KIF11: variants seen among roughly 807,000 people sequenced by gnomAD.
KIF11 encodes kinesin-like protein KIF11.
In KIF11, 9 loss-of-function variants were observed where a neutral mutation model predicts 121.0. That is an observed-to-expected ratio of 0.07 (90% CI 0.04 to 0.13). KIF11 has a LOEUF of 0.13. Among genes scored for constraint, KIF11 ranks in the 10% least tolerant of loss-of-function variants. The pLI is 1.00. For missense variants in KIF11, 846 were observed against 1,217.5 expected, an observed-to-expected ratio of 0.69 and a Z score of 4.54; for synonymous variants, 408 against 421.0, an observed-to-expected ratio of 0.97 and a Z score of 0.38.
chr10:92,632,669 C>G lies in KIF11; in HGVS notation c.1678C>G (p.Leu560Val), dbSNP rs1419333918. 1.9e-6 allele frequency: 3 copies of G among 1,609,538 alleles called. No homozygotes were observed. The African/African-American group carries it at 4.0e-5, about 22-fold the overall frequency. Residue 560 changes from leucine to valine, a missense_variant, in exon 13 of 22, where the codon CTA (leucine) becomes GTA (valine). By Grantham distance (32) the Leu-to-Val change is conservative (BLOSUM62 1). Around this residue, in one of 5 missense-constraint regions of KIF11, gnomAD observed 492 missense variants for 603.4 expected, o/e 0.82. Coordinates refer to ENST00000260731, the MANE Select transcript of KIF11 (RefSeq NM_004523.4). ...KDGSSKQKAM[L>V]EVHKTLFGNL... ...TGGCAGCTCAAAGCAAAAGGCCATG[C>G]TAGAAGTACATAAGACCTTATTTGG...
At position 92,593,289 on chromosome 10, in the gene KIF11, C is replaced by A; in HGVS notation, c.-87C>A. 2 of 1,396,894 alleles carry A rather than the reference C, an allele frequency of 1.4e-6. No homozygotes were observed. Among genetic ancestry groups the A allele is most frequent in the African/African-American group, 1.4e-5 (1 of 70,148 alleles). The allele number at this position is 1,396,894 out of a possible 1,614,324, so 86.5% of individuals were successfully genotyped here. A position where few individuals can be genotyped will look rare whatever the true frequency, so the allele number is the denominator to read the frequency against. On this transcript the variant is annotated 5_prime_UTR_variant, in exon 1 of 22. Transcript: ENST00000260731. The stretch of plus-strand genomic sequence containing the variant: ...CAGCGCCCGAGAGGGACCAGGGAGA[C>A]TCCGGCCCCTGTCGGCCGCCAAGCC...
In KIF11 at chr10:92,633,807, CT is replaced by C; in HGVS notation, c.1875+15del. The C allele has an allele frequency of 6.6e-7, 1 of 1,513,942 alleles. No homozygotes were observed. The highest frequency in any genetic ancestry group is 9.0e-7 in the Non-Finnish European group (1 of 1,107,876). The allele number at this position is 1,513,942 out of a possible 1,614,324, so 93.8% of individuals were successfully genotyped here. A position where few individuals can be genotyped will look rare whatever the true frequency, so the allele number is the denominator to read the frequency against. ...TACAGGAATTGATTGTTAGTACATC[CT>C]TTAAAATATTTTTGAAGGGTTGCAT... On this transcript the variant is annotated intron_variant, in intron 14 of 21. Coordinates refer to ENST00000260731, the MANE Select transcript of KIF11 (RefSeq NM_004523.4).
At chr10:92,636,964 C>T (rs1844808396) in intron 14 of KIF11, among the ~76,000 whole-genome samples, 1 of 138,312 alleles carries the variant, frequency 7.2e-6, no homozygotes, top group Non-Finnish European at 1.5e-5. Context: ...ACCCAGGAGG[C>T]AGAGGTTGCA....
At position 92,630,979 on chromosome 10, in the gene KIF11, A is replaced by T. The variant is rs942093513; in HGVS notation, c.1494+615A>T. 3.4e-4 allele frequency among the ~76,000 whole-genome samples: 51 copies of T among 150,948 alleles called. 1 individual carries two copies. The highest frequency in any genetic ancestry group is 1.2e-3 in the African/African-American group (51 of 41,168). The stretch of plus-strand genomic sequence containing the variant: ...TTTGTGGGGATGATTGAACCTAATT[A>T]GTCATTAAGAATTTAGTATGTTCTG... On this transcript the variant is annotated intron_variant, in intron 12 of 21. Transcript: ENST00000260731.
At position 92,637,535 on chromosome 10, in the gene KIF11, C is replaced by G; in HGVS notation, c.2150C>G (p.Thr717Ser). ...LTEDLKTIKQTHSQELCKLMN... is the reference protein window; with the variant it reads ...LTEDLKTIKQSHSQELCKLMN... ...GAAGACCTGAAGACAATAAAGCAGA[C>G]CCATTCCCAGGTATGTTGTTTAGCG... The change falls in exon 16 of 22, where the codon ACC (threonine) becomes AGC (serine). Residue 717 changes from threonine to serine, a missense_variant. Thr to Ser is a moderately conservative substitution (Grantham distance 58). Transcript: ENST00000260731. 1.2e-6 allele frequency: 2 copies of G among 1,600,400 alleles called. No individual in the cohort carries two copies. Among genetic ancestry groups the G allele is most frequent in the Non-Finnish European group, 1.7e-6 (2 of 1,177,094 alleles).
rs1844942869 is a variant in KIF11 at position 92,648,283 on chromosome 10, T to C, written c.2619T>C (p.His873=). ...AATCAGATGGACGTAAGGCAGCTCATGAGAAACAGCATAACATTTTTCTTG... is the reference window on the plus strand; with the variant it reads ...AATCAGATGGACGTAAGGCAGCTCACGAGAAACAGCATAACATTTTTCTTG... ...TEKSDGRKAA[H]EKQHNIFLDQ... is the part of the protein sequence containing the mutation. The change falls in exon 19 of 22, where the codon CAT becomes CAC. Residue 873 remains histidine, a synonymous_variant. Coordinates refer to ENST00000260731, the MANE Select transcript of KIF11 (RefSeq NM_004523.4). 1 of 1,613,776 alleles carries C rather than the reference T, an allele frequency of 6.2e-7. No homozygotes were observed. The highest frequency in any genetic ancestry group is 2.2e-5 in the East Asian group (1 of 44,850).
intron 10 of KIF11, among the ~76,000 whole-genome samples, chr10:92,624,558 C>T (rs1844651442): frequency 6.6e-6 from 1 of 152,042 alleles, no homozygotes. Context: ...TTTTTTATGC[C>T]TGTGTAGTAT....
chr10:92,651,418 T>C (rs7898318), intron 21 of KIF11, among the ~76,000 whole-genome samples: 148,656 of 150,864 alleles, frequency 0.99, 73,241 homozygotes, highest in East Asian at 1. Flanking sequence ...TCACCGCAAC[T>C]TCCACCTCCT....
chr10:92,648,630 A>G (rs1350439931), intron 19 of KIF11, among the ~76,000 whole-genome samples, 196 bp downstream of exon 19: 1 of 152,234 alleles, frequency 6.6e-6, no homozygotes, highest in African/African-American at 2.4e-5. Context: ...TGGTATCACA[A>G]TTCAGTATAA....
intron 14 of KIF11, among the ~76,000 whole-genome samples, chr10:92,635,110 T>G (rs1844782830): frequency 6.6e-6 from 1 of 152,236 alleles, no homozygotes; most frequent in Non-Finnish European, 1.5e-5. Flanking sequence ...TTATTTGTTT[T>G]CTTTGTGCAG....
chr10:92,624,248 T>C (rs78802307), intron 10 of KIF11, among the ~76,000 whole-genome samples: 3 of 149,262 alleles, frequency 2.0e-5, no homozygotes, highest in African/African-American at 7.4e-5. Flanking sequence ...TTTTTTTTTT[T>C]TCGAGACAGT....
In KIF11 at chr10:92,632,607, A is replaced by G; in HGVS notation, c.1616A>G (p.Asn539Ser). 6.2e-7 allele frequency: 1 copy of G among 1,613,832 alleles called. No homozygotes were observed. The highest frequency in any genetic ancestry group is 1.1e-5 in the South Asian group (1 of 91,046). ...EAQDIFGKNL[N>S]SLFNNMEELI... is the part of the protein sequence containing the mutation. The stretch of plus-strand genomic sequence containing the variant: ...CAGGATATTTTTGGCAAAAACCTGA[A>G]TAGTCTGTTTAATAATATGGAAGAA... The change falls in exon 13 of 22, where the codon AAT (asparagine) becomes AGT (serine). Residue 539 changes from asparagine to serine, a missense_variant. Coordinates refer to ENST00000260731, the MANE Select transcript of KIF11 (RefSeq NM_004523.4).
rs1326550267 is a variant in KIF11, at chr10:92,632,602, C to T, written c.1611C>T (p.Asn537=). ...NAEAQDIFGK[N]LNSLFNNMEE... ...AAGCTCAGGATATTTTTGGCAAAAACCTGAATAGTCTGTTTAATAATATGG... is the reference window on the plus strand; with the variant it reads ...AAGCTCAGGATATTTTTGGCAAAAATCTGAATAGTCTGTTTAATAATATGG... Residue 537 remains asparagine, a synonymous_variant, in exon 13 of 22, where the codon AAC becomes AAT. Coordinates refer to ENST00000260731, the MANE Select transcript of KIF11 (RefSeq NM_004523.4). The T allele has an allele frequency of 6.2e-7, 1 of 1,613,684 alleles. No homozygotes were observed. The highest frequency in any genetic ancestry group is 1.1e-5 in the South Asian group (1 of 91,026).
chr10:92,608,123 A>AT (rs1164736746), intron 4 of KIF11, among the ~76,000 whole-genome samples: 5 of 150,038 alleles, frequency 3.3e-5, no homozygotes, highest in Admixed American at 3.3e-4. Flanking sequence ...AAAAAAAAGA[A>AT]TTTTTTTTAA....
intron 17 of KIF11, among the ~76,000 whole-genome samples, chr10:92,641,157 G>C (rs1844862632): frequency 6.6e-6 from 1 of 151,918 alleles, no homozygotes; most frequent in South Asian, 2.1e-4. Context: ...ATAACTTTAT[G>C]GTTTAACATT....
rs28576319 is a variant in KIF11, at chr10:92,643,544, G to A, written c.2268-1819G>A. Among the ~76,000 whole-genome samples, 786 of 145,624 alleles carry A rather than the reference G, an allele frequency of 5.4e-3. 8 individuals carry two copies. Among genetic ancestry groups the A allele is most frequent in the Non-Finnish European group, 8.2e-3 (545 of 66,712 alleles). On this transcript the variant is annotated intron_variant, in intron 17 of 21. Transcript: ENST00000260731. ...TGCTTTATCTATTTTCTTTTTTAAT[G>A]TATCTACTAGATTTTTTTTTTTTTT...
intron 1 of KIF11, among the ~76,000 whole-genome samples, chr10:92,595,654 C>A: frequency 6.6e-6 from 1 of 152,130 alleles, no homozygotes; most frequent in East Asian, 1.9e-4. Flanking sequence ...TATTCTGCAA[C>A]AATTACTACC....
chr10:92,626,905 G>A (rs553027522), intron 10 of KIF11, among the ~76,000 whole-genome samples: 3 of 152,028 alleles, frequency 2.0e-5, no homozygotes, highest in Non-Finnish European at 4.4e-5. Context: ...GACTACAGGT[G>A]CCCGCCACCA....
At chr10:92,632,778 A>G in intron 13 of KIF11, 85 bp downstream of exon 13, 1 of 758,350 alleles carries the variant, frequency 1.3e-6, no homozygotes, top group Non-Finnish European at 2.1e-6. Context: ...AACATAGATG[A>G]CGGTGTCACC....
Sources: allele counts gnomAD v4.1 joint callset (sites outside exome capture counted in the v4.1 genomes callset), GRCh38; gene constraint gnomAD v4.1.1; regional missense constraint gnomAD v4.1.1; transcripts MANE v1.5; gene names NCBI Gene and HGNC (gene_info 2026-07-23, HGNC 2026-07-21).